The following GABRA2 variants were observed in gnomAD, a reference collection of about 807,000 sequenced individuals.
GABRA2 encodes the protein gamma-aminobutyric acid type A receptor subunit alpha2.
A neutral mutation model predicts 48.7 loss-of-function variants in GABRA2; 16 were observed. The ratio of observed to expected loss-of-function variants is 0.33; its 90% CI spans 0.22 to 0.50. The LOEUF (loss-of-function observed/expected upper bound fraction) is 0.50. Ranked by LOEUF, GABRA2 falls within the 20% of genes least tolerant of loss-of-function variation. The pLI is 0.98. For missense variants in GABRA2, 275 were observed against 535.6 expected, an observed-to-expected ratio of 0.51 and a Z score of 4.80; for synonymous variants, 185 against 184.5, an observed-to-expected ratio of 1.00 and a Z score of -0.02.
At chr4:46,377,589 G>A (rs10006888) in intron 3 of GABRA2, among the ~76,000 whole-genome samples, 36,305 of 149,574 alleles carry the variant, frequency 0.24, 4,716 homozygotes, top group African/African-American at 0.29. Flanking sequence ...CAGCCACCTC[G>A]TCCGGCAGGG....
At chr4:46,360,140 T>C (rs1052522012) in intron 3 of GABRA2, among the ~76,000 whole-genome samples, 1 of 152,180 alleles carries the variant, frequency 6.6e-6, no homozygotes, top group Non-Finnish European at 1.5e-5. Flanking sequence ...AAAGCTTATT[T>C]AGCATTTTGA....
chr4:46,265,335 T>C (rs979228578), intron 8 of GABRA2, among the ~76,000 whole-genome samples: 1 of 144,024 alleles, frequency 6.9e-6, no homozygotes, highest in Admixed American at 7.1e-5. Flanking sequence ...CCACCGCGCC[T>C]TGCCACTTTA....
At chr4:46,378,157 G>A (rs2109342653) in intron 3 of GABRA2, among the ~76,000 whole-genome samples, 1 of 152,156 alleles carries the variant, frequency 6.6e-6, no homozygotes, top group East Asian at 1.9e-4. Flanking sequence ...TCTGGGAGGT[G>A]TACCCAACAG....
At chr4:46,355,448 C>A (rs914360747) in intron 3 of GABRA2, among the ~76,000 whole-genome samples, 1 of 152,128 alleles carries the variant, frequency 6.6e-6, no homozygotes, top group African/African-American at 2.4e-5. Context: ...CCTTTGGGGT[C>A]AGGCTATGCT....
intron 8 of GABRA2, among the ~76,000 whole-genome samples, chr4:46,268,198 G>A (rs1403162291): frequency 6.6e-6 from 1 of 151,812 alleles, no homozygotes; most frequent in Admixed American, 6.6e-5. Context: ...AGATAAATGA[G>A]TGAGATTACA....
Position 46,243,788 on chromosome 4 carries a change from A to G in GABRA2, c.*6520T>C, listed in dbSNP as rs1713198715. On this transcript the variant is annotated 3_prime_UTR_variant, in exon 10 of 10. Transcript: ENST00000381620. ...ACCCAGAAAATTTCAAATTTCACAT[A>G]ATGTGACTATCAAAGTTTAGTGTTG... 1 of 151,544 alleles carries G rather than the reference A, an allele frequency of 6.6e-6. No homozygotes were observed. Among genetic ancestry groups the G allele is most frequent in the African/African-American group, 2.4e-5 (1 of 41,398 alleles). 9.4% of individuals were successfully genotyped at this position (151,544 alleles called of 1,614,324 possible).
chr4:46,375,903 T>C (rs901671619), intron 3 of GABRA2, among the ~76,000 whole-genome samples: 4 of 152,236 alleles, frequency 2.6e-5, no homozygotes, highest in Non-Finnish European at 4.4e-5. Context: ...GAATGAGCTA[T>C]ACTTACAGCT....
At position 46,333,904 on chromosome 4, in the gene GABRA2, T is replaced by C. The variant is rs888609485; in HGVS notation, c.188-1222A>G. ...CAAACTAAATCAAAGAATTATACCATAGTCAATTATAAACTTAAAACTAAC... is the reference window on the plus strand; with the variant it reads ...CAAACTAAATCAAAGAATTATACCACAGTCAATTATAAACTTAAAACTAAC... On this transcript the variant is annotated intron_variant, in intron 3 of 9. Coordinates refer to ENST00000381620, the MANE Select transcript of GABRA2 (RefSeq NM_000807.4). Among the ~76,000 whole-genome samples the C allele has an allele frequency of 2.2e-4, 33 of 152,230 alleles. No individual in the cohort carries two copies. In the Middle Eastern group the frequency reaches 0.014, roughly 63 times the overall value.
At chr4:46,291,058 TTGTC>T (rs773530342) in intron 8 of GABRA2, among the ~76,000 whole-genome samples, 326 of 152,288 alleles carry the variant, frequency 2.1e-3, no homozygotes, top group Non-Finnish European at 3.9e-3. Context: ...TCAGGTATCT[TTGTC>T]TGTTTTTGGT....
chr4:46,362,572 T>C (rs993891535), intron 3 of GABRA2, among the ~76,000 whole-genome samples: 3 of 152,076 alleles, frequency 2.0e-5, no homozygotes, highest in Non-Finnish European at 4.4e-5. Context: ...TTTGGAGAGG[T>C]TAACTTACAT....
intron 6 of GABRA2, among the ~76,000 whole-genome samples, chr4:46,308,066 G>C (rs1408052983): frequency 6.6e-6 from 1 of 152,046 alleles, no homozygotes; most frequent in Non-Finnish European, 1.5e-5. Context: ...GTCCTATGTT[G>C]CATTAAGCAG....
intron 3 of GABRA2, among the ~76,000 whole-genome samples, chr4:46,385,527 G>A (rs796787386): frequency 1.2e-4 from 18 of 152,000 alleles, no homozygotes; most frequent in African/African-American, 3.4e-4. Flanking sequence ...TATGTCTAAC[G>A]TATATCTGAA....
At chr4:46,324,391 G>A (rs557926339) in intron 4 of GABRA2, among the ~76,000 whole-genome samples, 129 of 151,926 alleles carry the variant, frequency 8.5e-4, no homozygotes, top group Non-Finnish European at 1.6e-3. Context: ...ATATATGGTA[G>A]TAGCAACAGT....
chr4:46,263,912 TTCTCTCTCTCTC>T (rs3068324), intron 8 of GABRA2, among the ~76,000 whole-genome samples: 41 of 145,082 alleles, frequency 2.8e-4, no homozygotes, highest in African/African-American at 6.1e-4. Context: ...ATTAGATCAA[TTCTCTCTCTCTC>T]TCTCTCTCTC....
At chr4:46,289,856 A>G (rs1205291668) in intron 8 of GABRA2, among the ~76,000 whole-genome samples, 1 of 150,776 alleles carries the variant, frequency 6.6e-6, no homozygotes, top group Non-Finnish European at 1.5e-5. Context: ...GTCAAATTGG[A>G]AAGTGTTGAG....
chr4:46,346,092 T>C (rs181666305), intron 3 of GABRA2, among the ~76,000 whole-genome samples: 81 of 152,076 alleles, frequency 5.3e-4, no homozygotes, highest in African/African-American at 1.8e-3. Flanking sequence ...AACAAAGACA[T>C]TTCGCTTTCT....
chr4:46,319,406 T>C (rs556993579), intron 4 of GABRA2, among the ~76,000 whole-genome samples: 20 of 151,890 alleles, frequency 1.3e-4, no homozygotes, highest in African/African-American at 4.8e-4. Context: ...AATCAGTGTG[T>C]TTCTTCTATA....
intron 3 of GABRA2, chr4:46,365,740 A>AACCCTGGTTT (rs1406735142): frequency 6.6e-6 from 1 of 152,218 alleles, no homozygotes; most frequent in Non-Finnish European, 1.5e-5. Context: ...CCAGAATACA[A>AACCCTGGTTT]ACCCTGGTTT....
chr4:46,371,158 T>C (rs759296506), intron 3 of GABRA2, among the ~76,000 whole-genome samples: 3 of 152,180 alleles, frequency 2.0e-5, no homozygotes, highest in Non-Finnish European at 4.4e-5. Context: ...TCTTAGCAAG[T>C]CTGTAAAATT....
Sources: allele counts gnomAD v4.1 joint callset (sites outside exome capture counted in the v4.1 genomes callset), GRCh38; gene constraint gnomAD v4.1.1; transcripts MANE v1.5; gene names NCBI Gene and HGNC (gene_info 2026-07-23, HGNC 2026-07-21).